ARMC6: variants seen among roughly 807,000 people sequenced by gnomAD.
The protein encoded by ARMC6 is armadillo repeat containing 6.
ARMC6 carries 43 observed loss-of-function variants against 49.2 expected under a neutral mutation model. That is an observed-to-expected ratio of 0.87 (90% CI 0.69 to 1.13). The LOEUF (loss-of-function observed/expected upper bound fraction) is 1.13. Among genes scored for constraint, ARMC6 ranks in the 50% most tolerant of loss-of-function variants. The pLI is 0.00. For missense variants in ARMC6, 627 were observed against 682.0 expected (o/e 0.92, Z 0.90); for synonymous variants, 262 against 289.6 (o/e 0.90, Z 0.97).
rs1461765265 is a variant in ARMC6 at position 19,057,770 on chromosome 19, CG to C, written c.*147del. 2.2e-5 allele frequency: 10 copies of C among 464,334 alleles called. No homozygotes were observed. Among genetic ancestry groups the C allele is most frequent in the Non-Finnish European group, 3.4e-5 (9 of 264,670 alleles). The allele number at this position is 464,334 out of a possible 1,614,324, so 28.8% of individuals were successfully genotyped here. A position where few individuals can be genotyped will look rare whatever the true frequency, so the allele number is the denominator to read the frequency against. On this transcript the variant is annotated 3_prime_UTR_variant, in exon 9 of 9. Transcript: ENST00000535612. ...TTCTGGCAGGCCCTAGGTAAAGGGT[CG>C]GGGGAGGGGGGAGCCTTGTAGGGAG...
chr19:19,034,021 G>T, intron 1 of ARMC6, 91 bp downstream of exon 1: 1 of 540,914 alleles, frequency 1.8e-6, no homozygotes, highest in South Asian at 2.0e-5. Flanking sequence ...CGGGTACGTG[G>T]TTTGGGGGGA....
Position 19,057,820 on chromosome 19 carries a change from C to T in ARMC6, c.*192C>T, listed in dbSNP as rs781561633. ...AGGCCTCTACACAGAAGAAAGCAGC[C>T]CCCATGTCCCAGCCACTTCTGGGTC... On this transcript the variant is annotated 3_prime_UTR_variant, in exon 9 of 9. Coordinates refer to ENST00000535612, the MANE Select transcript of ARMC6 (RefSeq NM_001199196.2). The T allele has an allele frequency of 4.0e-6, 3 of 757,924 alleles. No homozygotes were observed. Among genetic ancestry groups the T allele is most frequent in the East Asian group, 4.9e-5 (2 of 40,992 alleles). The allele number at this position is 757,924 out of a possible 1,614,324, so 46.9% of individuals were successfully genotyped here.
Position 19,040,106 on chromosome 19 carries a change from C to T in ARMC6, c.30-2605C>T, listed in dbSNP as rs538153447. Among the ~76,000 whole-genome samples, 4 of 152,318 alleles carry T rather than the reference C, an allele frequency of 2.6e-5. No individual in the cohort carries two copies. In the South Asian group the frequency reaches 8.3e-4, roughly 32 times the overall value. ...GCAGATAGAGAACGTTTCATCATAGCAGGAAGTGCCCTGAATGCATGATCA... is the reference window on the plus strand; with the variant it reads ...GCAGATAGAGAACGTTTCATCATAGTAGGAAGTGCCCTGAATGCATGATCA... On this transcript the variant is annotated intron_variant, in intron 2 of 8. Transcript: ENST00000535612.
At chr19:19,050,973 A>T (rs2059490993) in intron 4 of ARMC6, among the ~76,000 whole-genome samples, 1 of 152,208 alleles carries the variant, frequency 6.6e-6, no homozygotes, top group Non-Finnish European at 1.5e-5. Context: ...TGTTTAAAGT[A>T]TTTTCTCCCC....
At chr19:19,034,062 G>C (rs1422211501) in intron 1 of ARMC6, 69 bp from the exon 2 acceptor site, 1 of 628,296 alleles carries the variant, frequency 1.6e-6, no homozygotes, top group African/African-American at 1.9e-5. Flanking sequence ...TACAGAAGCC[G>C]CCTGGGGACA....
At chr19:19,040,886 C>T in intron 2 of ARMC6, 1 of 247,908 alleles carries the variant, frequency 4.0e-6, no homozygotes, top group Non-Finnish European at 8.6e-6. Context: ...CCAGGCATCC[C>T]TTAGGGTTTG....
intron 2 of ARMC6, among the ~76,000 whole-genome samples, chr19:19,036,724 A>T (rs2059372076): frequency 6.6e-6 from 1 of 152,194 alleles, no homozygotes; most frequent in African/African-American, 2.4e-5. Context: ...TCCTGCATAA[A>T]CTTGCTGAAT....
In ARMC6 at chr19:19,055,671, G is replaced by A; in HGVS notation, c.1156-120G>A. ...GTCACCCTGCCATTATTACACAGGA[G>A]TTGCCAGAGACCCACGGAGGGGAGG... On this transcript the variant is annotated intron_variant, in intron 7 of 8. Transcript: ENST00000535612. The surrounding 1 kb of genome is among the most constrained non-coding windows in gnomAD (Gnocchi z 5.7). 1 of 1,399,910 alleles carries A rather than the reference G, an allele frequency of 7.1e-7. No homozygotes were observed. Among genetic ancestry groups the A allele is most frequent in the South Asian group, 1.4e-5 (1 of 71,678 alleles). 86.7% of individuals were successfully genotyped at this position (1,399,910 alleles called of 1,614,324 possible). A position where few individuals can be genotyped will look rare whatever the true frequency, so the allele number is the denominator to read the frequency against.
chr19:19,034,376 A>C, intron 2 of ARMC6, 138 bp downstream of exon 2: 2 of 1,131,240 alleles, frequency 1.8e-6, no homozygotes, highest in Admixed American at 4.3e-5. Flanking sequence ...GAAGGCTTAG[A>C]TAGAGAAGGT....
intron 4 of ARMC6, among the ~76,000 whole-genome samples, chr19:19,047,585 C>A (rs1241349061): frequency 6.6e-6 from 1 of 152,192 alleles, no homozygotes; most frequent in Non-Finnish European, 1.5e-5. Context: ...TAAAGCCCCC[C>A]TCCATGAGCA....
intron 2 of ARMC6, among the ~76,000 whole-genome samples, chr19:19,036,877 A>G (rs1190935305): frequency 6.6e-6 from 1 of 152,174 alleles, no homozygotes; most frequent in Non-Finnish European, 1.5e-5. Context: ...TGTTTGACAC[A>G]TGAGGGAATT....
chr19:19,056,031 C>T (rs955817936), intron 8 of ARMC6, 103 bp downstream of exon 8: 3 of 1,373,822 alleles, frequency 2.2e-6, no homozygotes, highest in Admixed American at 2.1e-5. Flanking sequence ...GGTGATGGGG[C>T]AAAGGCTCAG....
At chr19:19,044,650 C>T (rs930537963) in intron 4 of ARMC6, among the ~76,000 whole-genome samples, 11 of 152,206 alleles carry the variant, frequency 7.2e-5, no homozygotes, top group Non-Finnish European at 1.2e-4. Flanking sequence ...CAGAAGGCTC[C>T]GGTGTTTGAG....
In ARMC6 at chr19:19,058,011, CT is replaced by C; in HGVS notation, c.*384del. 2.9e-6 allele frequency: 1 copy of C among 345,134 alleles called. No homozygotes were observed. Among genetic ancestry groups the C allele is most frequent in the South Asian group, 2.5e-5 (1 of 39,510 alleles). 21.4% of individuals were successfully genotyped at this position (345,134 alleles called of 1,614,324 possible). A position where few individuals can be genotyped will look rare whatever the true frequency, so the allele number is the denominator to read the frequency against. ...GGCGATTCCAGTGGGGTTGGGCCCC[CT>C]GGCGCCTGCTGCTTACTGCAGTTTC... On this transcript the variant is annotated 3_prime_UTR_variant, in exon 9 of 9. Transcript: ENST00000535612.
chr19:19,055,023 G>A lies in ARMC6; in HGVS notation c.1024-242G>A, dbSNP rs140334375. On this transcript the variant is annotated intron_variant, in intron 6 of 8. Coordinates refer to ENST00000535612, the MANE Select transcript of ARMC6 (RefSeq NM_001199196.2). The surrounding 1 kb of genome is among the most constrained non-coding windows in gnomAD (Gnocchi z 5.7). ...GACAGGGGGACCCTGTGCTCTGAAG[G>A]CCGGCCTGAGTCACATGCCCCCGCT... is the stretch of plus-strand genomic sequence containing the variant. Among the ~76,000 whole-genome samples the A allele has an allele frequency of 8.5e-4, 130 of 152,306 alleles. No individual in the cohort carries two copies. The highest frequency in any genetic ancestry group is 3.1e-3 in the African/African-American group (129 of 41,570).
At chr19:19,039,747 T>TA (rs2145847540) in intron 2 of ARMC6, among the ~76,000 whole-genome samples, 1 of 152,354 alleles carries the variant, frequency 6.6e-6, no homozygotes, top group African/African-American at 2.4e-5. Flanking sequence ...GGCTGAGTAA[T>TA]ATACCACCAT....
At chr19:19,046,480 A>C (rs566348000) in intron 4 of ARMC6, among the ~76,000 whole-genome samples, 1 of 150,260 alleles carries the variant, frequency 6.7e-6, no homozygotes, top group East Asian at 2.0e-4. Flanking sequence ...TACAGGTGTG[A>C]GCCACCACGC....
chr19:19,044,192 T>C (rs527752262), intron 4 of ARMC6, 118 bp downstream of exon 4: 2 of 1,039,646 alleles, frequency 1.9e-6, no homozygotes, highest in African/African-American at 3.1e-5. Context: ...CCAGCATGCA[T>C]GGGCAAGCTT....
In ARMC6 at chr19:19,034,029, G is replaced by GAA. The variant is rs1317604604; in HGVS notation, c.-80+99_-80+100insAA. 4.6e-5 allele frequency: 25 copies of GAA among 540,356 alleles called. No individual in the cohort carries two copies. In the African/African-American group the frequency reaches 7.6e-4, roughly 16 times the overall value. 33.5% of individuals were successfully genotyped at this position (540,356 alleles called of 1,614,324 possible). A position where few individuals can be genotyped will look rare whatever the true frequency, so the allele number is the denominator to read the frequency against. On this transcript the variant is annotated intron_variant, in intron 1 of 8. Transcript: ENST00000535612. ...CGACCCTCGGGTACGTGGTTTGGGG[G>GAA]GAAAAAAAAAATGAAAGAATTTTAC...
Sources: gnomAD v4.1 joint callset for allele counts (sites outside exome capture counted in the v4.1 genomes callset) on GRCh38, gnomAD v4.1.1 for gene constraint, Gnocchi (gnomAD v3.1) non-coding constraint, MANE v1.5 for transcripts, NCBI Gene and HGNC (gene_info 2026-07-23, HGNC 2026-07-21) for gene names.